The following BACH2 variants were observed in gnomAD, a reference collection of about 807,000 sequenced individuals.
BACH2 encodes transcription regulator protein BACH2.
BACH2 carries 5 observed loss-of-function variants against 61.8 expected under a neutral mutation model. The observed-to-expected ratio is 0.08, with a 90% CI of 0.04 to 0.17. BACH2 has a LOEUF of 0.17. Ranked by LOEUF, BACH2 falls within the 10% of genes least tolerant of loss-of-function variation. The pLI is 1.00. For synonymous variants in BACH2, 446 were observed against 440.1 expected (o/e 1.01, Z -0.17); for missense variants, 824 against 1,091.1 (o/e 0.76, Z 3.45).
chr6:90,110,404 T>C (rs1478668809), intron 4 of BACH2, among the ~76,000 whole-genome samples: 1 of 152,222 alleles, frequency 6.6e-6, no homozygotes, highest in Non-Finnish European at 1.5e-5. Flanking sequence ...TTTATAACAT[T>C]ACCCATTTGG....
At chr6:90,145,880 G>A (rs1442752504) in intron 4 of BACH2, among the ~76,000 whole-genome samples, 1 of 152,170 alleles carries the variant, frequency 6.6e-6, no homozygotes, top group Non-Finnish European at 1.5e-5. Flanking sequence ...GGAGAAACCG[G>A]TAGAGGAAGA....
intron 4 of BACH2, among the ~76,000 whole-genome samples, chr6:90,198,463 A>T (rs913225481): frequency 6.6e-6 from 1 of 152,214 alleles, no homozygotes; most frequent in Non-Finnish European, 1.5e-5. Flanking sequence ...ATTATATTAC[A>T]GTCATGTCAA....
At chr6:89,999,316 C>G (rs141878787) in intron 6 of BACH2, among the ~76,000 whole-genome samples, 11 of 152,342 alleles carry the variant, frequency 7.2e-5, no homozygotes, top group Non-Finnish European at 1.3e-4. Flanking sequence ...GTGAGTGACT[C>G]AACCATCTAC....
At chr6:90,110,820 C>A (rs539154659) in intron 4 of BACH2, among the ~76,000 whole-genome samples, 2 of 152,140 alleles carry the variant, frequency 1.3e-5, no homozygotes, top group African/African-American at 2.4e-5. Flanking sequence ...CAACTGCACA[C>A]GGGTTTTTCC....
rs562698088 is a variant in BACH2, at chr6:90,207,379, A to G, written c.-274-698T>C. Among the ~76,000 whole-genome samples, 4 of 152,310 alleles carry G rather than the reference A, an allele frequency of 2.6e-5. No homozygotes were observed. The East Asian group carries it at 7.7e-4, about 29-fold the overall frequency. On this transcript the variant is annotated intron_variant, in intron 3 of 8. Transcript: ENST00000257749. The stretch of plus-strand genomic sequence containing the variant: ...AGTGATCCTCCTGCCTTAGCCTTCC[A>G]ACATGCTGGGATTATGAGCCACCAT...
chr6:90,269,484 T>C (rs189726229), intron 2 of BACH2, among the ~76,000 whole-genome samples: 8 of 152,334 alleles, frequency 5.3e-5, no homozygotes, highest in Non-Finnish European at 7.4e-5. Context: ...ATCTGGCAGC[T>C]TAAATAAAAT....
chr6:90,251,214 T>C (rs983034412), intron 3 of BACH2, among the ~76,000 whole-genome samples: 7 of 152,150 alleles, frequency 4.6e-5, no homozygotes, highest in Non-Finnish European at 1.0e-4. Flanking sequence ...TGATGGCCAT[T>C]TTTTCCTAAA....
chr6:90,100,688 C>CACACACACACAGACACACACAT (rs1554245781), intron 4 of BACH2, among the ~76,000 whole-genome samples: 15 of 66,174 alleles, frequency 2.3e-4, no homozygotes, highest in Non-Finnish European at 3.5e-4. Context: ...TCTCTCTCTA[C>CACACACACACAGACACACACAT]ACACACACAC....
intron 4 of BACH2, among the ~76,000 whole-genome samples, chr6:90,142,075 T>G (rs912775048): frequency 6.6e-6 from 1 of 152,200 alleles, no homozygotes; most frequent in African/African-American, 2.4e-5. Flanking sequence ...AACTAGACTC[T>G]GTCTCAAAAA....
chr6:90,055,726 A>G (rs1780306423), intron 5 of BACH2, among the ~76,000 whole-genome samples: 1 of 152,008 alleles, frequency 6.6e-6, no homozygotes, highest in Non-Finnish European at 1.5e-5. Flanking sequence ...GCCAGAGAGA[A>G]AGGTCAGGTT....
chr6:90,035,952 A>C (rs1779241189), intron 5 of BACH2, among the ~76,000 whole-genome samples: 1 of 151,810 alleles, frequency 6.6e-6, no homozygotes, highest in African/African-American at 2.4e-5. Context: ...CAGCATATGG[A>C]GACAATTTTT....
intron 5 of BACH2, among the ~76,000 whole-genome samples, chr6:90,057,225 G>T (rs538599853): frequency 6.6e-6 from 1 of 152,210 alleles, no homozygotes; most frequent in African/African-American, 2.4e-5. Context: ...TAGACTGCTA[G>T]CAAGACTAAT....
At chr6:90,259,606 C>T (rs143325169) in intron 2 of BACH2, among the ~76,000 whole-genome samples, 1 of 152,182 alleles carries the variant, frequency 6.6e-6, no homozygotes, top group East Asian at 1.9e-4. Flanking sequence ...GAAAGTATTC[C>T]TTCTAGTTCT....
At chr6:90,055,846 C>A (rs1035532635) in intron 5 of BACH2, among the ~76,000 whole-genome samples, 10 of 152,056 alleles carry the variant, frequency 6.6e-5, no homozygotes, top group African/African-American at 2.4e-4. Context: ...AATTTTCAAC[C>A]CAGAATCTCA....
Position 89,976,124 on chromosome 6 carries a change from C to T in BACH2, c.244-24262G>A, listed in dbSNP as rs190978307. 4.6e-5 allele frequency among the ~76,000 whole-genome samples: 7 copies of T among 152,314 alleles called. No homozygotes were observed. The East Asian group carries it at 5.8e-4, about 13-fold the overall frequency. ...TCACTTCTCCTATAGCAAGCAAGAT[C>T]GCCCGCTGTTCTGAGGCCACTAGAC... On this transcript the variant is annotated intron_variant, in intron 6 of 8. Transcript: ENST00000257749.
intron 3 of BACH2, among the ~76,000 whole-genome samples, chr6:90,228,713 T>A (rs1202687736): frequency 6.6e-6 from 1 of 152,218 alleles, no homozygotes; most frequent in Non-Finnish European, 1.5e-5. Flanking sequence ...CACTCCAGCC[T>A]GGGTGACAGC....
At chr6:90,114,885 G>C (rs1783326917) in intron 4 of BACH2, among the ~76,000 whole-genome samples, 1 of 151,902 alleles carries the variant, frequency 6.6e-6, no homozygotes, top group Non-Finnish European at 1.5e-5. Flanking sequence ...ACCAAACTGA[G>C]GGCCAAATCA....
intron 4 of BACH2, among the ~76,000 whole-genome samples, chr6:90,142,746 G>A (rs534006937): frequency 1.3e-5 from 2 of 152,240 alleles, no homozygotes; most frequent in African/African-American, 4.8e-5. Context: ...TTACTGCTGG[G>A]TAGGAAGATC....
chr6:90,247,456 T>A (rs1434761990), intron 3 of BACH2, among the ~76,000 whole-genome samples: 1 of 151,828 alleles, frequency 6.6e-6, no homozygotes, highest in African/African-American at 2.4e-5. Context: ...CTTGAACTCC[T>A]GGCCTCAAGC....
Sources: gnomAD v4.1 joint callset for allele counts (sites outside exome capture counted in the v4.1 genomes callset) on GRCh38, gnomAD v4.1.1 for gene constraint, MANE v1.5 for transcripts, NCBI Gene and HGNC (gene_info 2026-07-23, HGNC 2026-07-21) for gene names.